Variants in RMND5B observed in about 807,000 individuals in gnomAD.
The protein encoded by RMND5B is required for meiotic nuclear division 5 homolog B.
In RMND5B, 42 loss-of-function variants were observed where a neutral mutation model predicts 50.4. The observed-to-expected ratio is 0.83, with a 90% CI of 0.65 to 1.08. The LOEUF (loss-of-function observed/expected upper bound fraction) is 1.08, where lower values mean the gene tolerates loss of function less well. RMND5B is among the 50% of genes least tolerant of loss of function. RMND5B has a pLI of 0.00. For synonymous variants in RMND5B, 220 were observed against 210.0 expected (o/e 1.05, Z -0.41); for missense variants, 463 against 508.5 (o/e 0.91, Z 0.86).
chr5:178,147,533 C>T lies in RMND5B; in HGVS notation c.861C>T (p.Ser287=), dbSNP rs1561641002. The change falls in exon 9 of 11, where the codon AGC becomes AGT. Residue 287 remains serine (S), a splice_region_variant and synonymous_variant. Coordinates refer to ENST00000313386, the MANE Select transcript of RMND5B (RefSeq NM_022762.5). Reference sequence around the variant, plus strand: ...TCTAGCCCCTGTTCCTTGTCTGCAGCTTTGCCTCTGGCTGTGTGGCGCTGC... The same window carrying T: ...TCTAGCCCCTGTTCCTTGTCTGCAGTTTTGCCTCTGGCTGTGTGGCGCTGC... ...GLSVESPLSV[S]FASGCVALPV... The T allele has an allele frequency of 6.2e-7, 1 of 1,613,768 alleles. No individual in the cohort carries two copies. The highest frequency in any genetic ancestry group is 1.1e-5 in the South Asian group (1 of 91,028).
At chr5:178,132,008 G>A (rs1206072168) in intron 2 of RMND5B, among the ~76,000 whole-genome samples, 3 of 152,084 alleles carry the variant, frequency 2.0e-5, no homozygotes, top group Non-Finnish European at 4.4e-5. Flanking sequence ...GATGGAGGTC[G>A]CGGCTGCAAA....
intron 2 of RMND5B, among the ~76,000 whole-genome samples, chr5:178,132,695 C>A (rs1758380655): frequency 6.7e-6 from 1 of 149,084 alleles, no homozygotes; most frequent in Non-Finnish European, 1.5e-5. Context: ...GATTGTACCA[C>A]AGCACTCTGG....
chr5:178,148,003 C>A lies in RMND5B; in HGVS notation c.1153C>A (p.Pro385Thr). Residue 385 changes from proline to threonine, a missense_variant, in exon 11 of 11, where the codon CCG (proline) becomes ACG (threonine). Coordinates refer to ENST00000313386, the MANE Select transcript of RMND5B (RefSeq NM_022762.5). ...TCCCTACTGTCCCATGGAGCAGAAC[C>A]CGGCAGATGGGAAACGCATCATATT... ...KCPYCPMEQN[P>T]ADGKRIIF The A allele has an allele frequency of 6.2e-7, 1 of 1,614,102 alleles. No homozygotes were observed. Among genetic ancestry groups the A allele is most frequent in the Non-Finnish European group, 8.5e-7 (1 of 1,180,030 alleles).
chr5:178,148,142 C>A lies in RMND5B; in HGVS notation c.*110C>A. 9.3e-7 allele frequency: 1 copy of A among 1,075,598 alleles called. No homozygotes were observed. Among genetic ancestry groups the A allele is most frequent in the South Asian group, 1.3e-5 (1 of 75,376 alleles). The allele number at this position is 1,075,598 out of a possible 1,614,324, so 66.6% of individuals were successfully genotyped here. Reference sequence around the variant, plus strand: ...CTGTGGTTGGTTTCAGAGCGCCTGGCTGAGGAGTTCCACTGAGGGGAGCAC... The same window carrying A: ...CTGTGGTTGGTTTCAGAGCGCCTGGATGAGGAGTTCCACTGAGGGGAGCAC... On this transcript the variant is annotated 3_prime_UTR_variant, in exon 11 of 11. Coordinates refer to ENST00000313386, the MANE Select transcript of RMND5B (RefSeq NM_022762.5).
intron 2 of RMND5B, among the ~76,000 whole-genome samples, chr5:178,132,737 C>CT (rs1224482166): frequency 0.09 from 918 of 10,256 alleles, 13 homozygotes; most frequent in African/African-American, 0.2. Flanking sequence ...CTGTCTCTCT[C>CT]TTTTTTTTTT....
At position 178,148,239 on chromosome 5, in the gene RMND5B, TAAGGA is replaced by T. The variant is rs1756149124; in HGVS notation, c.*212_*216del. ...ACGCCTGGCACCTGGCTCCATGGCA[TAAGGA>T]AAGGGAGATGCTGGCCTCTGTGCTC... On this transcript the variant is annotated 3_prime_UTR_variant, in exon 11 of 11. Transcript: ENST00000313386. 1.6e-6 allele frequency: 1 copy of T among 606,548 alleles called. No individual in the cohort carries two copies. Among genetic ancestry groups the T allele is most frequent in the Non-Finnish European group, 2.9e-6 (1 of 341,000 alleles). The allele number at this position is 606,548 out of a possible 1,614,324, so 37.6% of individuals were successfully genotyped here. A position where few individuals can be genotyped will look rare whatever the true frequency, so the allele number is the denominator to read the frequency against.
Position 178,138,487 on chromosome 5 carries a change from T to C in RMND5B, c.139+229T>C. ...CATTTACATTTTGTTTTCAACTTAC[T>C]TTTCTATTTTTAACTTTTTTTCATT... On this transcript the variant is annotated intron_variant, in intron 3 of 10. Transcript: ENST00000313386. The surrounding 1 kb of genome is among the most constrained non-coding windows in gnomAD (Gnocchi z 5.1). 2 of 1,199,214 alleles carry C rather than the reference T, an allele frequency of 1.7e-6. No homozygotes were observed. The highest frequency in any genetic ancestry group is 3.7e-5 in the South Asian group (2 of 54,238). The allele number at this position is 1,199,214 out of a possible 1,614,324, so 74.3% of individuals were successfully genotyped here. A position where few individuals can be genotyped will look rare whatever the true frequency, so the allele number is the denominator to read the frequency against.
Position 178,150,069 on chromosome 5 carries a change from C to G in RMND5B, c.*2037C>G. 2 of 444,556 alleles carry G rather than the reference C, an allele frequency of 4.5e-6. No individual in the cohort carries two copies. The highest frequency in any genetic ancestry group is 8.2e-6 in the Non-Finnish European group (2 of 244,158). The allele number at this position is 444,556 out of a possible 1,614,324, so 27.5% of individuals were successfully genotyped here. On this transcript the variant is annotated 3_prime_UTR_variant, in exon 11 of 11. Coordinates refer to ENST00000313386, the MANE Select transcript of RMND5B (RefSeq NM_022762.5). Reference sequence around the variant, plus strand: ...TTCCCACATGGCAACTATGAAAGGGCTCCAGCCCAGCAGGGGCTGTCCCGG... The same window carrying G: ...TTCCCACATGGCAACTATGAAAGGGGTCCAGCCCAGCAGGGGCTGTCCCGG...
chr5:178,143,593 C>T, intron 5 of RMND5B, 34 bp from the exon 6 acceptor site: 1 of 1,480,144 alleles, frequency 6.8e-7, no homozygotes, highest in Non-Finnish European at 9.4e-7. Context: ...ACACCATCTT[C>T]CAGTGGTGGG....
intron 7 of RMND5B, among the ~76,000 whole-genome samples, chr5:178,144,835 G>A (rs118177590): frequency 0.02 from 3,106 of 152,010 alleles, 38 homozygotes; most frequent in Middle Eastern, 0.061. Flanking sequence ...TGGCAACATG[G>A]GGAACCCCTG....
intron 7 of RMND5B, among the ~76,000 whole-genome samples, chr5:178,144,456 A>G (rs953013423): frequency 4.6e-5 from 7 of 152,102 alleles, no homozygotes; most frequent in African/African-American, 1.7e-4. Flanking sequence ...CCTTTAAGAA[A>G]AAAAAAAAGG....
chr5:178,140,269 G>T (rs749083922), intron 3 of RMND5B, among the ~76,000 whole-genome samples: 5 of 152,018 alleles, frequency 3.3e-5, no homozygotes, highest in Admixed American at 6.6e-5. Flanking sequence ...GACCTCCTGG[G>T]CTCAAGTGAT....
At position 178,138,067 on chromosome 5, in the gene RMND5B, C is replaced by A; in HGVS notation, c.-12-41C>A. The A allele has an allele frequency of 6.5e-7, 1 of 1,540,194 alleles. No individual in the cohort carries two copies. The highest frequency in any genetic ancestry group is 8.8e-7 in the Non-Finnish European group (1 of 1,142,380). Reference sequence around the variant, plus strand: ...TCTGGGCACCCTGCCTGCCATGCCACCGTGGCCCAGATGGGGCCTGACCCA... The same window carrying A: ...TCTGGGCACCCTGCCTGCCATGCCAACGTGGCCCAGATGGGGCCTGACCCA... On this transcript the variant is annotated intron_variant, in intron 2 of 10. Coordinates refer to ENST00000313386, the MANE Select transcript of RMND5B (RefSeq NM_022762.5). The surrounding 1 kb of genome is among the most constrained non-coding windows in gnomAD (Gnocchi z 5.1).
intron 2 of RMND5B, among the ~76,000 whole-genome samples, chr5:178,132,910 G>A (rs1758412474): frequency 1.4e-5 from 2 of 147,826 alleles, no homozygotes; most frequent in Non-Finnish European, 3.0e-5. Context: ...TGTCGCCCAG[G>A]CTGGAGTGCA....
intron 8 of RMND5B, chr5:178,146,503 G>A: frequency 3.9e-6 from 2 of 509,278 alleles, no homozygotes; most frequent in South Asian, 2.9e-5. Context: ...CATGGTCAAG[G>A]TTCCCATTTT....
chr5:178,137,962 G>A lies in RMND5B; in HGVS notation c.-12-146G>A. On this transcript the variant is annotated intron_variant, in intron 2 of 10. Transcript: ENST00000313386. This position sits in a 1 kb window ranked among gnomAD's most constrained non-coding sequence, Gnocchi z 4.4. ...GATGTTATATGCTTACCAAAACATA[G>A]GTACATATATACATATATGTACAAA... The A allele has an allele frequency of 1.4e-6, 1 of 711,600 alleles. No homozygotes were observed. Among genetic ancestry groups the A allele is most frequent in the Non-Finnish European group, 2.2e-6 (1 of 453,240 alleles). The allele number at this position is 711,600 out of a possible 1,614,324, so 44.1% of individuals were successfully genotyped here. A position where few individuals can be genotyped will look rare whatever the true frequency, so the allele number is the denominator to read the frequency against.
chr5:178,149,439 G>GA lies in RMND5B; in HGVS notation c.*1411dup, dbSNP rs1756201039. On this transcript the variant is annotated 3_prime_UTR_variant, in exon 11 of 11. Transcript: ENST00000313386. Reference sequence around the variant, plus strand: ...GGCCCAACCAGCAGCTGCTGCTTAAGAAAACACCCACAGACTCACCACATT... The same window carrying GA: ...GGCCCAACCAGCAGCTGCTGCTTAAGAAAAACACCCACAGACTCACCACATT... 9.9e-6 allele frequency: 4 copies of GA among 402,540 alleles called. No homozygotes were observed. The East Asian group carries it at 2.3e-4, about 23-fold the overall frequency. 24.9% of individuals were successfully genotyped at this position (402,540 alleles called of 1,614,324 possible). A position where few individuals can be genotyped will look rare whatever the true frequency, so the allele number is the denominator to read the frequency against.
At chr5:178,147,439 C>T in intron 8 of RMND5B, 94 bp from the exon 9 acceptor site, 1 of 897,602 alleles carries the variant, frequency 1.1e-6, no homozygotes. Context: ...TTTTAGAGCC[C>T]TGTCTCAAGG....
At chr5:178,135,801 T>C (rs566208645) in intron 2 of RMND5B, among the ~76,000 whole-genome samples, 2 of 152,300 alleles carry the variant, frequency 1.3e-5, no homozygotes, top group East Asian at 1.9e-4. Flanking sequence ...CAGGGCCGGA[T>C]TGTTTGACCT....
Sources: gnomAD v4.1 joint callset for allele counts (sites outside exome capture counted in the v4.1 genomes callset) on GRCh38, gnomAD v4.1.1 for gene constraint, Gnocchi (gnomAD v3.1) non-coding constraint, MANE v1.5 for transcripts, NCBI Gene and HGNC (gene_info 2026-07-23, HGNC 2026-07-21) for gene names.